EVC: variants seen among roughly 807,000 people sequenced by gnomAD.
EVC encodes the protein evC complex member EVC.
EVC carries 116 observed loss-of-function variants against 118.9 expected under a neutral mutation model. The ratio of observed to expected loss-of-function variants is 0.98; its 90% confidence interval spans 0.84 to 1.14. The LOEUF (loss-of-function observed/expected upper bound fraction) is 1.14, where lower values mean the gene tolerates loss of function less well. EVC is among the 50% of genes most tolerant of loss of function. The probability of loss-of-function intolerance (pLI) is 0.00; values close to 1 mark genes in which losing one functional copy is unlikely to be tolerated. For synonymous variants in EVC, 619 were observed against 534.7 expected (o/e 1.16, Z -2.18); for missense variants, 1,401 against 1,246.4 (o/e 1.12, Z -1.87).
intron 11 of EVC, among the ~76,000 whole-genome samples, chr4:5,773,666 G>A (rs1734311759): frequency 6.6e-6 from 1 of 152,088 alleles, no homozygotes; most frequent in Non-Finnish European, 1.5e-5. Context: ...CTGCAGGTTT[G>A]TATGCAGGTA....
chr4:5,763,710 G>T, intron 11 of EVC, among the ~76,000 whole-genome samples: 1 of 111,898 alleles, frequency 8.9e-6, no homozygotes, highest in East Asian at 2.4e-4. Context: ...TTTGTCTGTT[G>T]TTGGTGTATA....
intron 8 of EVC, among the ~76,000 whole-genome samples, chr4:5,748,546 A>G (rs1346688143): frequency 1.3e-5 from 2 of 149,486 alleles, no homozygotes; most frequent in Admixed American, 6.6e-5. Context: ...CCATCCATCC[A>G]TCTGCCCTCC....
At chr4:5,795,713 C>G (rs1203845195) in intron 13 of EVC, among the ~76,000 whole-genome samples, 1 of 152,198 alleles carries the variant, frequency 6.6e-6, no homozygotes, top group Non-Finnish European at 1.5e-5. Context: ...CCAGGGACAC[C>G]TGGTGAGCCA....
At chr4:5,724,460 C>G (rs1725477776) in intron 2 of EVC, among the ~76,000 whole-genome samples, 1 of 152,212 alleles carries the variant, frequency 6.6e-6, no homozygotes, top group Non-Finnish European at 1.5e-5. Context: ...GGCACTTACT[C>G]TTGCTGTTAT....
At chr4:5,740,102 A>T (rs79450444) in intron 5 of EVC, among the ~76,000 whole-genome samples, 13,164 of 152,218 alleles carry the variant, frequency 0.086, 742 homozygotes, top group East Asian at 0.31. Context: ...CTCAACCTAA[A>T]CTTCACACCT....
Position 5,793,631 on chromosome 4 carries a change from G to C in EVC, c.1800G>C (p.Leu600=), listed in dbSNP as rs1713204688. The part of the protein sequence containing the change: ...DQQVWMEECA[L]SSVLQTHLRE... The stretch of plus-strand genomic sequence containing the variant: ...AGGTGTGGATGGAGGAGTGTGCGCT[G>C]TCCAGCGTGCTGCAGACACACCTGC... The change falls in exon 13 of 21, where the codon CTG becomes CTC. Residue 600 remains leucine (L), a synonymous_variant. Coordinates refer to ENST00000264956, the MANE Select transcript of EVC (RefSeq NM_153717.3). 1 of 1,552,002 alleles carries C rather than the reference G, an allele frequency of 6.4e-7. No homozygotes were observed. Among genetic ancestry groups the C allele is most frequent in the Non-Finnish European group, 8.7e-7 (1 of 1,147,358 alleles).
chr4:5,734,379 G>A (rs551765065), intron 5 of EVC, among the ~76,000 whole-genome samples: 3 of 152,188 alleles, frequency 2.0e-5, no homozygotes, highest in South Asian at 2.1e-4. Flanking sequence ...GGTGGCTCAC[G>A]ACTATAATAT....
At chr4:5,808,361 G>T in intron 18 of EVC, 34 bp downstream of exon 18, 1 of 1,614,090 alleles carries the variant, frequency 6.2e-7, no homozygotes. Context: ...TCCAAAAGCA[G>T]TGGTTTAAAG....
At chr4:5,785,221 C>T (rs1736238953) in intron 12 of EVC, among the ~76,000 whole-genome samples, 2 of 152,318 alleles carry the variant, frequency 1.3e-5, no homozygotes, top group Admixed American at 6.5e-5. Flanking sequence ...GTGCATCAGC[C>T]TTTCTCTGCC....
At chr4:5,826,335 G>A in the EVC span, 1 of 152,950 alleles carries the variant, frequency 6.5e-6, no homozygotes, top group Admixed American at 6.5e-5. Flanking sequence ...TAGTTTGTTG[G>A]GAGATGGTTC....
downstream of EVC, among the ~76,000 whole-genome samples, chr4:5,816,302 C>T (rs2152410784): frequency 6.6e-6 from 1 of 152,246 alleles, no homozygotes; most frequent in South Asian, 2.1e-4. Flanking sequence ...CTCTTGGGTC[C>T]CCAACGGCAA....
chr4:5,804,295 A>G (rs546220223), intron 16 of EVC, among the ~76,000 whole-genome samples: 26 of 152,334 alleles, frequency 1.7e-4, no homozygotes, highest in Admixed American at 4.6e-4. Context: ...TTAACCTGCA[A>G]ACAAGAAGGA....
At chr4:5,747,029 G>A (rs1729462266) in intron 7 of EVC, among the ~76,000 whole-genome samples, 1 of 152,056 alleles carries the variant, frequency 6.6e-6, no homozygotes, top group African/African-American at 2.4e-5. Context: ...GGAAGAGCAG[G>A]GTGAGAGCCT....
At chr4:5,778,974 G>A (rs1735169812) in intron 11 of EVC, among the ~76,000 whole-genome samples, 1 of 152,108 alleles carries the variant, frequency 6.6e-6, no homozygotes, top group African/African-American at 2.4e-5. Flanking sequence ...ATGGTTTTAG[G>A]TCTAATGTTT....
At chr4:5,768,325 A>C (rs1733347888) in intron 11 of EVC, among the ~76,000 whole-genome samples, 1 of 152,122 alleles carries the variant, frequency 6.6e-6, no homozygotes, top group South Asian at 2.1e-4. Flanking sequence ...AACAGACTGT[A>C]GGGGCAGAGG....
At chr4:5,713,177 C>A (rs1229624989) in intron 1 of EVC, among the ~76,000 whole-genome samples, 1 of 152,166 alleles carries the variant, frequency 6.6e-6, no homozygotes, top group Non-Finnish European at 1.5e-5. Context: ...GTGGCTCAGA[C>A]CAGGGTGGCA....
intron 5 of EVC, among the ~76,000 whole-genome samples, chr4:5,733,989 C>A (rs557481538): frequency 6.6e-6 from 1 of 152,086 alleles, no homozygotes; most frequent in Non-Finnish European, 1.5e-5. Context: ...CATGGGGCCA[C>A]GTGTTCTCTT....
At position 5,748,727 on chromosome 4, in the gene EVC, T is replaced by C. The variant is rs373491918; in HGVS notation, c.1098+421T>C. Among the ~76,000 whole-genome samples the C allele has an allele frequency of 2.7e-3, 157 of 57,888 alleles. 7 individuals are homozygous for C. Among genetic ancestry groups the C allele is most frequent in the African/African-American group, 7.6e-3 (128 of 16,818 alleles). 38.0% of individuals were successfully genotyped at this position (57,888 alleles called of 152,430 possible). Reference sequence around the variant, plus strand: ...GTCCACCCATCCACCCACCCACCCATCCACCCATCAATCCACCCATCCATC... The same window carrying C: ...GTCCACCCATCCACCCACCCACCCACCCACCCATCAATCCACCCATCCATC... On this transcript the variant is annotated intron_variant, in intron 8 of 20. Coordinates refer to ENST00000264956, the MANE Select transcript of EVC (RefSeq NM_153717.3).
rs1157042667 is a variant in EVC, at chr4:5,756,750, C to G, written c.1563+388C>G. 6.6e-6 allele frequency among the ~76,000 whole-genome samples: 1 copy of G among 152,144 alleles called. No homozygotes were observed. Among genetic ancestry groups the G allele is most frequent in the Non-Finnish European group, 1.5e-5 (1 of 68,036 alleles). On this transcript the variant is annotated intron_variant, in intron 11 of 20. Coordinates refer to ENST00000264956, the MANE Select transcript of EVC (RefSeq NM_153717.3). The surrounding 1 kb of genome is among the most constrained non-coding windows in gnomAD (Gnocchi z 4.2). ...AATGGGGACGTCAGAGATCACATGC[C>G]ACACCACCTCTTTCCCCTGTGCAAC...
Sources: gnomAD v4.1 joint callset for allele counts (sites outside exome capture counted in the v4.1 genomes callset) on GRCh38, gnomAD v4.1.1 for gene constraint, Gnocchi (gnomAD v3.1) non-coding constraint, MANE v1.5 for transcripts, NCBI Gene and HGNC (gene_info 2026-07-23, HGNC 2026-07-21) for gene names.